The following DCHS2 variants were observed in gnomAD, a reference collection of about 807,000 sequenced individuals.
The protein encoded by DCHS2 is protocadherin-23.
DCHS2 carries 142 observed loss-of-function variants against 182.4 expected under a neutral mutation model. The ratio of observed to expected loss-of-function variants is 0.78; its 90% CI spans 0.68 to 0.89. The LOEUF is 0.89. Ranked by LOEUF, DCHS2 falls within the 40% of genes least tolerant of loss-of-function variation. DCHS2 has a pLI of 0.00. For synonymous variants in DCHS2, 1,740 were observed against 1,663.3 expected, an observed-to-expected ratio of 1.05 and a Z score of -1.12; for missense variants, 4,319 against 4,198.6, an observed-to-expected ratio of 1.03 and a Z score of -0.79.
intron 1 of DCHS2, among the ~76,000 whole-genome samples, chr4:154,475,300 A>G (rs964349855): frequency 7.2e-5 from 11 of 152,178 alleles, no homozygotes; most frequent in Non-Finnish European, 1.5e-4. Flanking sequence ...GTGGCTCTGG[A>G]TCTTAAAATT....
intron 3 of DCHS2, among the ~76,000 whole-genome samples, chr4:154,349,350 G>A (rs886302174): frequency 9.2e-5 from 14 of 152,068 alleles, no homozygotes; most frequent in African/African-American, 3.4e-4. Flanking sequence ...CTGATTTCTT[G>A]GAAGGTCAAA....
At chr4:154,372,006 G>A (rs145564142) in intron 2 of DCHS2, among the ~76,000 whole-genome samples, 2 of 152,244 alleles carry the variant, frequency 1.3e-5, no homozygotes, top group African/African-American at 2.4e-5. Flanking sequence ...TTAAACTAAG[G>A]GATGAACTGG....
chr4:154,336,939 C>A (rs1033535153), intron 3 of DCHS2, among the ~76,000 whole-genome samples: 2 of 152,142 alleles, frequency 1.3e-5, no homozygotes, highest in Admixed American at 1.3e-4. Flanking sequence ...TTTCCAGATA[C>A]AATTTTACTG....
chr4:154,253,843 C>T (rs985407002), intron 16 of DCHS2, among the ~76,000 whole-genome samples: 5 of 146,368 alleles, frequency 3.4e-5, no homozygotes, highest in African/African-American at 1.3e-4. Context: ...CATTGCTCAA[C>T]CACATGCACA....
chr4:154,308,160 T>C (rs528965367), intron 10 of DCHS2, among the ~76,000 whole-genome samples: 2 of 152,050 alleles, frequency 1.3e-5, no homozygotes, highest in Admixed American at 6.5e-5. Flanking sequence ...CTTTCTACAG[T>C]GACCAATGAC....
At chr4:154,396,319 T>C (rs1314792679) in intron 1 of DCHS2, among the ~76,000 whole-genome samples, 2 of 151,828 alleles carry the variant, frequency 1.3e-5, no homozygotes, top group East Asian at 1.9e-4. Flanking sequence ...AAGGAAGGAA[T>C]TGAACAATTT....
At chr4:154,434,094 A>G (rs1733675191) in intron 1 of DCHS2, among the ~76,000 whole-genome samples, 1 of 152,270 alleles carries the variant, frequency 6.6e-6, no homozygotes, top group African/African-American at 2.4e-5. Flanking sequence ...AAATCAAGTT[A>G]CAGAGAATAC....
At chr4:154,471,985 A>G (rs1735490290) in intron 1 of DCHS2, among the ~76,000 whole-genome samples, 1 of 152,184 alleles carries the variant, frequency 6.6e-6, no homozygotes, top group Non-Finnish European at 1.5e-5. Flanking sequence ...CTACACTACT[A>G]CAAATATTGT....
chr4:154,401,037 G>A (rs930320641), intron 1 of DCHS2, among the ~76,000 whole-genome samples: 5 of 152,192 alleles, frequency 3.3e-5, no homozygotes, highest in Non-Finnish European at 5.9e-5. Context: ...ATTTAAATCA[G>A]CCCAGAAGGC....
chr4:154,350,347 G>C (rs1294187017), intron 3 of DCHS2, among the ~76,000 whole-genome samples: 2 of 152,160 alleles, frequency 1.3e-5, no homozygotes, highest in East Asian at 3.8e-4. Flanking sequence ...CAAATCATTG[G>C]AAAATATCTC....
chr4:154,485,708 G>T (rs1040199861), intron 1 of DCHS2, among the ~76,000 whole-genome samples: 11 of 152,188 alleles, frequency 7.2e-5, no homozygotes, highest in African/African-American at 2.2e-4. Context: ...ATAAATAAAT[G>T]AATTGATGAA....
intron 3 of DCHS2, among the ~76,000 whole-genome samples, chr4:154,358,486 T>C (rs1156504424): frequency 1.3e-5 from 2 of 152,184 alleles, no homozygotes; most frequent in African/African-American, 4.8e-5. Flanking sequence ...AACTTAATTG[T>C]ACTTGAAATA....
At chr4:154,285,717 G>A (rs1024215658) in intron 13 of DCHS2, among the ~76,000 whole-genome samples, 1 of 152,148 alleles carries the variant, frequency 6.6e-6, no homozygotes. Flanking sequence ...CTCAGTTGCA[G>A]TAGAATAGAG....
chr4:154,462,946 T>C (rs77201950), intron 1 of DCHS2, among the ~76,000 whole-genome samples: 1 of 152,086 alleles, frequency 6.6e-6, no homozygotes, highest in East Asian at 1.9e-4. Flanking sequence ...GCTAGTTAAT[T>C]GGGAAAATGA....
chr4:154,372,243 A>T (rs1310912365), intron 2 of DCHS2, among the ~76,000 whole-genome samples: 1 of 152,192 alleles, frequency 6.6e-6, no homozygotes, highest in African/African-American at 2.4e-5. Context: ...GAGGGTGCTA[A>T]TGAAGGAAAC....
intron 7 of DCHS2, among the ~76,000 whole-genome samples, chr4:154,327,498 T>C (rs1336692413): frequency 6.6e-6 from 1 of 152,180 alleles, no homozygotes; most frequent in South Asian, 2.1e-4. Flanking sequence ...CTATGTCCTA[T>C]GTTTGTGTCA....
chr4:154,322,335 A>C lies in DCHS2; in HGVS notation c.4172T>G (p.Ile1391Ser). Residue 1391 changes from isoleucine (I) to serine (S), a missense_variant, in exon 8 of 20, where the codon ATT becomes AGT. Ile to Ser is a moderately radical substitution (Grantham distance 142). Transcript: ENST00000357232. Reference protein sequence around the residue: ...PPLQGQAVVNIQVIPLSKGRA... With the variant: ...PPLQGQAVVNSQVIPLSKGRA... ...ATTTTATGGTGACAACATTACCTGA[A>C]TATTAACAACTGCCTGTCCTTGAAG... 1.2e-6 allele frequency: 2 copies of C among 1,613,362 alleles called. No homozygotes were observed. Among genetic ancestry groups the C allele is most frequent in the Non-Finnish European group, 1.7e-6 (2 of 1,179,666 alleles).
chr4:154,246,689 G>A (rs1028105611), intron 16 of DCHS2, among the ~76,000 whole-genome samples: 4 of 151,952 alleles, frequency 2.6e-5, no homozygotes, highest in Admixed American at 6.6e-5. Flanking sequence ...ACAAGAGTTG[G>A]ATATTATTTA....
At chr4:154,422,463 A>G (rs1733150563) in intron 1 of DCHS2, among the ~76,000 whole-genome samples, 1 of 152,150 alleles carries the variant, frequency 6.6e-6, no homozygotes, top group Non-Finnish European at 1.5e-5. Flanking sequence ...CATTCAAAAT[A>G]TATCCTGAAA....
Sources: gnomAD v4.1 joint callset for allele counts (sites outside exome capture counted in the v4.1 genomes callset) on GRCh38, gnomAD v4.1.1 for gene constraint, MANE v1.5 for transcripts, NCBI Gene and HGNC (gene_info 2026-07-23, HGNC 2026-07-21) for gene names.